The following RABGAP1L variants were observed in gnomAD, a reference collection of about 807,000 sequenced individuals.
The protein encoded by RABGAP1L is RAB GTPase activating protein 1 like, also known as rab GTPase-activating protein 1-like.
RABGAP1L carries 63 observed loss-of-function variants against 137.7 expected under a neutral mutation model. The observed-to-expected ratio is 0.46, with a 90% confidence interval of 0.37 to 0.56. The LOEUF (loss-of-function observed/expected upper bound fraction) is 0.56, where lower values mean the gene tolerates loss of function less well. Among genes scored for constraint, RABGAP1L ranks in the 20% least tolerant of loss-of-function variants. The pLI, the probability that RABGAP1L is intolerant of heterozygous loss-of-function variation, is 0.00. For missense variants in RABGAP1L, 1,095 were observed against 1,244.0 expected, an observed-to-expected ratio of 0.88 and a Z score of 1.80; for synonymous variants, 431 against 433.7, an observed-to-expected ratio of 0.99 and a Z score of 0.08.
At chr1:174,601,218 C>G (rs1670383809) in intron 13 of RABGAP1L, among the ~76,000 whole-genome samples, 1 of 152,180 alleles carries the variant, frequency 6.6e-6, no homozygotes, top group African/African-American at 2.4e-5. Flanking sequence ...TAACCCTGGG[C>G]CCAGCCCACA....
intron 19 of RABGAP1L, among the ~76,000 whole-genome samples, chr1:174,886,436 C>A (rs972792575): frequency 2.0e-5 from 3 of 152,226 alleles, no homozygotes; most frequent in Non-Finnish European, 4.4e-5. Context: ...GCAAACAAAA[C>A]AGTGTAGCCC....
At chr1:174,745,803 C>T (rs1473044875) in intron 17 of RABGAP1L, among the ~76,000 whole-genome samples, 1 of 152,198 alleles carries the variant, frequency 6.6e-6, no homozygotes, top group Non-Finnish European at 1.5e-5. Flanking sequence ...GTCATTATCT[C>T]TTCCTAGGGT....
At chr1:174,508,646 T>C (rs1409939478) in intron 13 of RABGAP1L, among the ~76,000 whole-genome samples, 4 of 152,152 alleles carry the variant, frequency 2.6e-5, no homozygotes, top group Non-Finnish European at 4.4e-5. Flanking sequence ...GAGAAATTGT[T>C]ATAGCATAAT....
intron 13 of RABGAP1L, among the ~76,000 whole-genome samples, chr1:174,593,218 A>C (rs1210571607): frequency 1.5e-5 from 1 of 68,484 alleles, no homozygotes; most frequent in East Asian, 3.4e-4. Context: ...ATCATTTTTT[A>C]TTGTGTCTAT....
intron 14 of RABGAP1L, among the ~76,000 whole-genome samples, chr1:174,672,445 T>C (rs191530132): frequency 6.6e-6 from 1 of 151,930 alleles, no homozygotes; most frequent in Non-Finnish European, 1.5e-5. Context: ...TTTTGTTTTG[T>C]TTTTACTTTC....
chr1:174,399,505 T>C (rs552737445), intron 13 of RABGAP1L, among the ~76,000 whole-genome samples: 2 of 152,252 alleles, frequency 1.3e-5, no homozygotes, highest in African/African-American at 2.4e-5. Flanking sequence ...GAACAAACAA[T>C]TGCTTTATAA....
chr1:174,378,935 C>T (rs1416898564), intron 12 of RABGAP1L, among the ~76,000 whole-genome samples: 1 of 129,660 alleles, frequency 7.7e-6, no homozygotes, highest in South Asian at 2.5e-4. Context: ...ACGTTTAAAT[C>T]TTTAATCCAT....
intron 14 of RABGAP1L, among the ~76,000 whole-genome samples, chr1:174,649,546 G>A (rs1675279005): frequency 6.6e-6 from 1 of 152,124 alleles, no homozygotes; most frequent in African/African-American, 2.4e-5. Context: ...CTTCTGGCTT[G>A]TAGGGTTTCC....
intron 18 of RABGAP1L, among the ~76,000 whole-genome samples, chr1:174,762,622 G>A (rs537196422): frequency 6.6e-6 from 1 of 152,132 alleles, no homozygotes; most frequent in African/African-American, 2.4e-5. Context: ...TCTATGTGGG[G>A]TCTGCCCACT....
chr1:174,443,854 G>A (rs1437781320), intron 13 of RABGAP1L, among the ~76,000 whole-genome samples: 7 of 151,992 alleles, frequency 4.6e-5, no homozygotes, highest in Admixed American at 4.6e-4. Context: ...CTTGATTTTT[G>A]TATATGGTGA....
At chr1:174,587,701 T>C (rs56357087) in intron 13 of RABGAP1L, among the ~76,000 whole-genome samples, 21,744 of 152,050 alleles carry the variant, frequency 0.14, 5,209 homozygotes, top group African/African-American at 0.49. Context: ...AAATAAAAAG[T>C]AATGAGTACA....
intron 1 of RABGAP1L, among the ~76,000 whole-genome samples, chr1:174,171,071 T>C (rs1665344027): frequency 6.6e-6 from 1 of 152,194 alleles, no homozygotes; most frequent in African/African-American, 2.4e-5. Context: ...TGTAGGGATG[T>C]ATTATAAAAA....
chr1:174,430,234 T>G (rs1652461160), intron 13 of RABGAP1L, among the ~76,000 whole-genome samples: 1 of 151,792 alleles, frequency 6.6e-6, no homozygotes. Flanking sequence ...ATACAGAAAT[T>G]AGCCGGGTGT....
At chr1:174,875,700 A>C in intron 19 of RABGAP1L, 2 of 985,238 alleles carry the variant, frequency 2.0e-6, no homozygotes, top group South Asian at 9.4e-5. Flanking sequence ...CTGAAAAGAT[A>C]AGGAGTTTAA....
chr1:174,579,596 A>G (rs1192916588), intron 13 of RABGAP1L, among the ~76,000 whole-genome samples: 1 of 152,248 alleles, frequency 6.6e-6, no homozygotes, highest in Non-Finnish European at 1.5e-5. Context: ...GATTCTAATT[A>G]TGTGATGATG....
At chr1:174,210,491 C>T (rs150981727) in intron 1 of RABGAP1L, among the ~76,000 whole-genome samples, 11 of 151,982 alleles carry the variant, frequency 7.2e-5, no homozygotes, top group African/African-American at 1.2e-4. Flanking sequence ...TTGATCAAGC[C>T]GAAGGAAGAA....
At chr1:174,696,417 G>T (rs1305411499) in intron 15 of RABGAP1L, among the ~76,000 whole-genome samples, 2 of 152,158 alleles carry the variant, frequency 1.3e-5, no homozygotes, top group Non-Finnish European at 2.9e-5. Flanking sequence ...GGCTACCCCA[G>T]CTGGTGTTTC....
At chr1:174,644,367 A>G (rs187283385) in intron 14 of RABGAP1L, among the ~76,000 whole-genome samples, 44 of 152,034 alleles carry the variant, frequency 2.9e-4, no homozygotes, top group African/African-American at 9.2e-4. Context: ...AAGCCATCAC[A>G]CTCTTACTAG....
intron 3 of RABGAP1L, among the ~76,000 whole-genome samples, chr1:174,223,264 TAAA>T (rs550034492): frequency 5.0e-5 from 2 of 39,900 alleles, no homozygotes; most frequent in African/African-American, 1.2e-4. Flanking sequence ...AGACTCTGTC[TAAA>T]AAAAAAAAAA....
Sources: gnomAD v4.1 joint callset for allele counts (sites outside exome capture counted in the v4.1 genomes callset) on GRCh38, gnomAD v4.1.1 for gene constraint, MANE v1.5 for transcripts, NCBI Gene and HGNC (gene_info 2026-07-23, HGNC 2026-07-21) for gene names.